Variants in SUPT3H observed in about 807,000 individuals in gnomAD.
SUPT3H encodes the protein SPT3 homolog, SAGA and STAGA complex component, also known as transcription initiation protein SPT3 homolog.
Under a neutral mutation model 44.3 loss-of-function variants are expected in SUPT3H, and 44 were observed. The observed-to-expected ratio is 0.99, with a 90% confidence interval of 0.78 to 1.28. SUPT3H has a LOEUF of 1.28. Among genes scored for constraint, SUPT3H ranks in the 50% most tolerant of loss-of-function variants. The pLI is 0.00. For synonymous variants in SUPT3H, 124 were observed against 125.6 expected, an observed-to-expected ratio of 0.99 and a Z score of 0.09; for missense variants, 380 against 387.1, an observed-to-expected ratio of 0.98 and a Z score of 0.15.
rs116940359 is a variant in SUPT3H, at chr6:45,054,593, T to C, written c.187-33961A>G. Among the ~76,000 whole-genome samples the C allele has an allele frequency of 4.6e-5, 7 of 152,324 alleles. No homozygotes were observed. In the East Asian group the frequency reaches 1.4e-3, roughly 29 times the overall value. On this transcript the variant is annotated intron_variant, in intron 3 of 10. Transcript: ENST00000371459. ...TCTTTTAATACAAATATCTCAGCCA[T>C]GAACCTTGCAATAAGTGAGGAAAAG... is the stretch of plus-strand genomic sequence containing the variant.
chr6:45,276,739 G>C (rs994796988), intron 2 of SUPT3H, among the ~76,000 whole-genome samples: 2 of 152,146 alleles, frequency 1.3e-5, no homozygotes, highest in African/African-American at 4.8e-5. Flanking sequence ...GTAAAACCAA[G>C]TCAAACAGTT....
chr6:45,020,866 A>C lies in SUPT3H; in HGVS notation c.187-234T>G, dbSNP rs1193668928. Among the ~76,000 whole-genome samples the C allele has an allele frequency of 3.3e-5, 5 of 152,090 alleles. No individual in the cohort carries two copies. In the East Asian group the frequency reaches 5.8e-4, roughly 18 times the overall value. Reference sequence around the variant, plus strand: ...CCAATACAATAAACAGAAATCTTTTATTTCTTTCTTGCAAAAGAAAAATCA... The same window carrying C: ...CCAATACAATAAACAGAAATCTTTTCTTTCTTTCTTGCAAAAGAAAAATCA... On this transcript the variant is annotated intron_variant, in intron 3 of 10. Coordinates refer to ENST00000371459, the MANE Select transcript of SUPT3H (RefSeq NM_003599.4).
chr6:45,359,246 A>C (rs1390812134), intron 2 of SUPT3H, among the ~76,000 whole-genome samples: 2 of 152,230 alleles, frequency 1.3e-5, no homozygotes, highest in Admixed American at 1.3e-4. Flanking sequence ...TAGAAACTTA[A>C]ACATTTCCTA....
At chr6:45,248,689 G>T (rs1771817317) in intron 2 of SUPT3H, among the ~76,000 whole-genome samples, 1 of 152,130 alleles carries the variant, frequency 6.6e-6, no homozygotes, top group South Asian at 2.1e-4. Flanking sequence ...GGCCAAGGTG[G>T]ATAGATCACG....
intron 2 of SUPT3H, among the ~76,000 whole-genome samples, chr6:45,319,220 G>A (rs968737996): frequency 3.3e-5 from 5 of 152,010 alleles, no homozygotes; most frequent in African/African-American, 7.2e-5. Flanking sequence ...TTAAATAGGT[G>A]TCTTATAATT....
At chr6:45,022,331 AG>A (rs750124086) in intron 3 of SUPT3H, among the ~76,000 whole-genome samples, 7 of 152,158 alleles carry the variant, frequency 4.6e-5, no homozygotes, top group Middle Eastern at 3.4e-3. Flanking sequence ...CATTCTCCAA[AG>A]TATCAGTTTA....
At chr6:45,107,288 T>A (rs960820661) in intron 2 of SUPT3H, among the ~76,000 whole-genome samples, 8 of 152,316 alleles carry the variant, frequency 5.3e-5, no homozygotes, top group African/African-American at 1.9e-4. Context: ...TCTGAAGGCA[T>A]CTACCTAATC....
intron 10 of SUPT3H, among the ~76,000 whole-genome samples, chr6:44,909,932 G>A (rs971165386): frequency 8.5e-5 from 13 of 152,310 alleles, no homozygotes; most frequent in South Asian, 6.2e-4. Flanking sequence ...GAACTCTCAC[G>A]AATTGCTGGT....
At chr6:45,259,262 G>C (rs539943622) in intron 2 of SUPT3H, among the ~76,000 whole-genome samples, 6 of 151,894 alleles carry the variant, frequency 4.0e-5, no homozygotes, top group East Asian at 1.9e-4. Flanking sequence ...TTTTCAATTG[G>C]GGGGGAGGGT....
intron 2 of SUPT3H, among the ~76,000 whole-genome samples, chr6:45,227,122 G>A (rs1767094203): frequency 6.6e-6 from 1 of 151,344 alleles, no homozygotes; most frequent in African/African-American, 2.4e-5. Context: ...TGGATTACAG[G>A]ATGAGCCACA....
At chr6:45,068,671 A>T (rs573076583) in intron 3 of SUPT3H, among the ~76,000 whole-genome samples, 115 of 152,264 alleles carry the variant, frequency 7.6e-4, no homozygotes, top group African/African-American at 2.7e-3. Flanking sequence ...GCCCAGGCTT[A>T]GTGAATTGCT....
rs140292645 is a variant in SUPT3H at position 45,029,343 on chromosome 6, G to GTATATATATA, written c.187-8721_187-8712dup. Among the ~76,000 whole-genome samples, 6 of 146,350 alleles carry GTATATATATA rather than the reference G, an allele frequency of 4.1e-5. No homozygotes were observed. In the South Asian group the frequency reaches 1.1e-3, roughly 26 times the overall value. On this transcript the variant is annotated intron_variant, in intron 3 of 10. Coordinates refer to ENST00000371459, the MANE Select transcript of SUPT3H (RefSeq NM_003599.4). ...GTGTATATATGACATATTTGTATGTGTATATATATATATATATACATATTC... is the reference window on the plus strand; with the variant it reads ...GTGTATATATGACATATTTGTATGTGTATATATATATATATATATATATATATACATATTC...
chr6:45,208,081 C>G (rs1431734809), intron 2 of SUPT3H, among the ~76,000 whole-genome samples: 3 of 152,168 alleles, frequency 2.0e-5, no homozygotes, highest in African/African-American at 7.2e-5. Flanking sequence ...TGGAGGAAAT[C>G]AGAAGTGCTA....
chr6:44,946,470 A>C (rs548319530), intron 9 of SUPT3H, among the ~76,000 whole-genome samples: 12 of 152,340 alleles, frequency 7.9e-5, no homozygotes, highest in African/African-American at 2.6e-4. Flanking sequence ...TCACGTGAAG[A>C]GGTCAAAATA....
chr6:45,016,373 T>C (rs545377271), intron 4 of SUPT3H, among the ~76,000 whole-genome samples: 103 of 151,962 alleles, frequency 6.8e-4, no homozygotes, highest in African/African-American at 2.4e-3. Context: ...TACTTTAAGT[T>C]TTAGGGTACA....
chr6:45,163,143 C>G (rs1232829374), intron 2 of SUPT3H, among the ~76,000 whole-genome samples: 1 of 152,092 alleles, frequency 6.6e-6, no homozygotes, highest in East Asian at 1.9e-4. Flanking sequence ...TTCTGTATTT[C>G]CAGACTTTCT....
chr6:44,881,299 A>G (rs1396494735), intron 10 of SUPT3H, among the ~76,000 whole-genome samples: 1 of 152,238 alleles, frequency 6.6e-6, no homozygotes, highest in Non-Finnish European at 1.5e-5. Context: ...GAAGGCCATT[A>G]CATAATGGTA....
At chr6:45,193,330 A>C (rs1253946880) in intron 2 of SUPT3H, among the ~76,000 whole-genome samples, 1 of 152,180 alleles carries the variant, frequency 6.6e-6, no homozygotes, top group African/African-American at 2.4e-5. Context: ...TAAGCTTTAA[A>C]ATTTAGTTCC....
At chr6:45,230,272 C>T (rs565963507) in intron 2 of SUPT3H, among the ~76,000 whole-genome samples, 4 of 152,036 alleles carry the variant, frequency 2.6e-5, no homozygotes, top group Admixed American at 1.3e-4. Flanking sequence ...TTAAGTCTAA[C>T]GTTTCTTTAT....
Sources: gnomAD v4.1 joint callset for allele counts (sites outside exome capture counted in the v4.1 genomes callset) on GRCh38, gnomAD v4.1.1 for gene constraint, MANE v1.5 for transcripts, NCBI Gene and HGNC (gene_info 2026-07-23, HGNC 2026-07-21) for gene names.